The following PKNOX2 variants were observed in gnomAD, a reference collection of about 807,000 sequenced individuals.
The protein encoded by PKNOX2 is homeobox protein PKNOX2.
A neutral mutation model predicts 53.1 loss-of-function variants in PKNOX2; 14 were observed. The ratio of observed to expected loss-of-function variants is 0.26; its 90% CI spans 0.17 to 0.41. The LOEUF (loss-of-function observed/expected upper bound fraction) is 0.41. Ranked by LOEUF, PKNOX2 falls within the 10% of genes least tolerant of loss-of-function variation. The pLI is 1.00. For synonymous variants in PKNOX2, 257 were observed against 242.8 expected (o/e 1.06, Z -0.54); for missense variants, 496 against 602.8 (o/e 0.82, Z 1.85).
chr11:125,357,501 G>A (rs573676891), intron 4 of PKNOX2, among the ~76,000 whole-genome samples: 5 of 152,122 alleles, frequency 3.3e-5, no homozygotes, highest in South Asian at 2.1e-4. Context: ...CAAGCAGAAC[G>A]AATGAATGCC....
At chr11:125,312,541 T>A (rs746430700) in intron 2 of PKNOX2, among the ~76,000 whole-genome samples, 10 of 152,168 alleles carry the variant, frequency 6.6e-5, no homozygotes, top group Non-Finnish European at 1.3e-4. Flanking sequence ...AGGTGGTGTG[T>A]GGTGTGTTGA....
chr11:125,339,092 C>T (rs1198701628), intron 3 of PKNOX2, among the ~76,000 whole-genome samples: 5 of 152,186 alleles, frequency 3.3e-5, no homozygotes. Flanking sequence ...TCTTAGGAGC[C>T]AGAAAACCAT....
At chr11:125,393,208 C>G (rs954572862) in intron 6 of PKNOX2, among the ~76,000 whole-genome samples, 9 of 150,880 alleles carry the variant, frequency 6.0e-5, no homozygotes, top group African/African-American at 2.2e-4. Context: ...ACAACTTGTT[C>G]AAGTCAGATG....
chr11:125,355,391 A>G (rs962823250), intron 4 of PKNOX2, among the ~76,000 whole-genome samples: 3 of 152,002 alleles, frequency 2.0e-5, no homozygotes, highest in African/African-American at 7.3e-5. Context: ...CCAGAGTAGC[A>G]GCGCCCTCTA....
chr11:125,418,939 A>G (rs1439133218), intron 10 of PKNOX2, among the ~76,000 whole-genome samples: 1 of 151,990 alleles, frequency 6.6e-6, no homozygotes, highest in Non-Finnish European at 1.5e-5. Context: ...TTTGTAGGTT[A>G]TATGCAAATA....
At chr11:125,198,218 C>T (rs896620912) in intron 1 of PKNOX2, among the ~76,000 whole-genome samples, 1 of 152,230 alleles carries the variant, frequency 6.6e-6, no homozygotes, top group East Asian at 1.9e-4. Context: ...GGAATCCTCA[C>T]ATGGAGAAGT....
intron 10 of PKNOX2, among the ~76,000 whole-genome samples, chr11:125,419,372 C>G (rs1956049774): frequency 6.6e-6 from 1 of 150,858 alleles, no homozygotes; most frequent in Non-Finnish European, 1.5e-5. Context: ...CATAATTGGC[C>G]TTGCCTTGGA....
chr11:125,431,452 C>T lies in PKNOX2; in HGVS notation c.*60C>T. 1 of 1,090,058 alleles carries T rather than the reference C, an allele frequency of 9.2e-7. No individual in the cohort carries two copies. The highest frequency in any genetic ancestry group is 1.2e-6 in the Non-Finnish European group (1 of 867,144). 67.5% of individuals were successfully genotyped at this position (1,090,058 alleles called of 1,614,324 possible). On this transcript the variant is annotated 3_prime_UTR_variant, in exon 13 of 13. Transcript: ENST00000298282. Reference sequence around the variant, plus strand: ...GAGAGGAGTGTCGCCGGGAGGCCTTCAGGGTGGGGGGGAAGGGGACATGGG... The same window carrying T: ...GAGAGGAGTGTCGCCGGGAGGCCTTTAGGGTGGGGGGGAAGGGGACATGGG...
chr11:125,370,164 T>C lies in PKNOX2; in HGVS notation c.227+2179T>C, dbSNP rs1952447497. Among the ~76,000 whole-genome samples, 1 of 152,178 alleles carries C rather than the reference T, an allele frequency of 6.6e-6. No individual in the cohort carries two copies. Among genetic ancestry groups the C allele is most frequent in the Non-Finnish European group, 1.5e-5 (1 of 68,026 alleles). ...TTTGAGTCCCACCTCCACTGTGTCC[T>C]AGCCTCTCTGAGCTTTCATGTCCCG... On this transcript the variant is annotated intron_variant, in intron 5 of 12. Coordinates refer to ENST00000298282, the MANE Select transcript of PKNOX2 (RefSeq NM_001382323.2). The surrounding 1 kb of genome is among the most constrained non-coding windows in gnomAD (Gnocchi z 4.1).
At chr11:125,381,703 C>T (rs1953239905) in intron 5 of PKNOX2, among the ~76,000 whole-genome samples, 2 of 152,144 alleles carry the variant, frequency 1.3e-5, no homozygotes, top group African/African-American at 2.4e-5. Flanking sequence ...TGATCTGACT[C>T]CTGCTGCCTT....
intron 1 of PKNOX2, among the ~76,000 whole-genome samples, chr11:125,168,608 T>C (rs1955054762): frequency 6.6e-6 from 1 of 152,336 alleles, no homozygotes; most frequent in South Asian, 2.1e-4. Flanking sequence ...TTCTGCCATG[T>C]CCATCTTCAA....
In PKNOX2 at chr11:125,401,336, A is replaced by G. The variant is rs529042156; in HGVS notation, c.588+3274A>G. Among the ~76,000 whole-genome samples the G allele has an allele frequency of 1.1e-4, 17 of 152,262 alleles. No homozygotes were observed. In the South Asian group the frequency reaches 3.5e-3, roughly 32 times the overall value. On this transcript the variant is annotated intron_variant, in intron 7 of 12. Transcript: ENST00000298282. ...CAAGAGTGACAGCAAGTGAAAGGAC[A>G]ATGCATGTGGCTCAGTGCGCAGCCA...
chr11:125,167,598 G>C (rs868359438), intron 1 of PKNOX2, among the ~76,000 whole-genome samples: 18 of 152,330 alleles, frequency 1.2e-4, no homozygotes, highest in African/African-American at 3.8e-4. Context: ...CCCGACCACC[G>C]CTCACAGTAA....
At chr11:125,374,491 A>G (rs940632608) in intron 5 of PKNOX2, among the ~76,000 whole-genome samples, 1 of 152,188 alleles carries the variant, frequency 6.6e-6, no homozygotes, top group Non-Finnish European at 1.5e-5. Flanking sequence ...AAGTGAAACC[A>G]TGCTCAGATT....
Position 125,367,936 on chromosome 11 carries a change from C to T in PKNOX2, c.178C>T (p.Pro60Ser), listed in dbSNP as rs371325354. ...TGCCAGCACACCTGTGCCCAGTGCC[C>T]CCATCGACCCCCAGGCCCAGCTGGA... is the stretch of plus-strand genomic sequence containing the variant. ...AAASTPVPSA[P>S]IDPQAQLEAD... The change falls in exon 5 of 13, where the codon CCC becomes TCC. Residue 60 changes from proline (P) to serine (S), a missense_variant. Pro to Ser is a moderately conservative substitution (Grantham distance 74). This residue lies in a region of PKNOX2 where 168 missense variants were observed against 178.4 expected (regional missense o/e 0.94). Transcript: ENST00000298282. 5.6e-6 allele frequency: 9 copies of T among 1,613,362 alleles called. No individual in the cohort carries two copies. Among genetic ancestry groups the T allele is most frequent in the South Asian group, 3.3e-5 (3 of 90,994 alleles).
chr11:125,221,605 C>T (rs994367303), intron 1 of PKNOX2, among the ~76,000 whole-genome samples: 7 of 152,138 alleles, frequency 4.6e-5, no homozygotes, highest in African/African-American at 1.7e-4. Flanking sequence ...GATTAGAAGA[C>T]AATTAATAAA....
At chr11:125,295,068 G>A (rs1947559563) in intron 2 of PKNOX2, among the ~76,000 whole-genome samples, 1 of 152,200 alleles carries the variant, frequency 6.6e-6, no homozygotes, top group Non-Finnish European at 1.5e-5. Flanking sequence ...AGACAGTGAA[G>A]CTAGAGGCGG....
At chr11:125,168,348 C>T (rs1416711778) in intron 1 of PKNOX2, among the ~76,000 whole-genome samples, 1 of 152,222 alleles carries the variant, frequency 6.6e-6, no homozygotes, top group Non-Finnish European at 1.5e-5. Context: ...ACCATTTAAA[C>T]TGTGGTTAGT....
chr11:125,373,091 G>A (rs543245647), intron 5 of PKNOX2, among the ~76,000 whole-genome samples: 16 of 152,342 alleles, frequency 1.1e-4, no homozygotes, highest in African/African-American at 3.8e-4. Context: ...ATAGCCAGAG[G>A]TGCAAATGCA....
Sources: gnomAD v4.1 joint callset for allele counts (sites outside exome capture counted in the v4.1 genomes callset) on GRCh38, gnomAD v4.1.1 for gene constraint, gnomAD v4.1.1 regional missense constraint, Gnocchi (gnomAD v3.1) non-coding constraint, MANE v1.5 for transcripts, NCBI Gene and HGNC (gene_info 2026-07-23, HGNC 2026-07-21) for gene names.